SETMAR: variants seen among roughly 807,000 people sequenced by gnomAD.
SETMAR encodes SET and mariner transposase domain methyltransferase, also known as histone-lysine N-methyltransferase SETMAR.
A neutral mutation model predicts 58.4 loss-of-function variants in SETMAR; 44 were observed. The ratio of observed to expected loss-of-function variants is 0.75; its 90% confidence interval spans 0.59 to 0.97. The LOEUF (loss-of-function observed/expected upper bound fraction) is 0.97, where lower values mean the gene tolerates loss of function less well. SETMAR is among the 50% of genes least tolerant of loss of function. The pLI is 0.00. For synonymous variants in SETMAR, 332 were observed against 307.4 expected, an observed-to-expected ratio of 1.08 and a Z score of -0.84; for missense variants, 903 against 840.2, an observed-to-expected ratio of 1.07 and a Z score of -0.92.
At position 4,312,894 on chromosome 3, in the gene SETMAR, A is replaced by G. The variant is rs73807002; in HGVS notation, c.157-4A>G. 2.5e-3 allele frequency: 3,971 copies of G among 1,600,530 alleles called. 95 individuals are homozygous for G. In the African/African-American group the frequency reaches 0.047, roughly 19 times the overall value. ...CTGACTTACAGTGTGTATATTTTTT[A>G]CAGTACACTCCTGATCATGTAGTTG... On this transcript the variant is annotated splice_region_variant and splice_polypyrimidine_tract_variant and intron_variant, in intron 1 of 2. Transcript: ENST00000358065.
intron 1 of SETMAR, among the ~76,000 whole-genome samples, chr3:4,306,240 G>A (rs1184675742): frequency 6.6e-6 from 1 of 152,064 alleles, no homozygotes; most frequent in East Asian, 1.9e-4. Flanking sequence ...AAAACTATGT[G>A]CCCGACGTAT....
rs1405338899 is a variant in SETMAR at position 4,303,594 on chromosome 3, C to T, written c.156+68C>T. 9 of 1,374,846 alleles carry T rather than the reference C, an allele frequency of 6.5e-6. No individual in the cohort carries two copies. The Admixed American group carries it at 1.5e-4, about 23-fold the overall frequency. 85.2% of individuals were successfully genotyped at this position (1,374,846 alleles called of 1,614,324 possible). ...CCCCCACGTGGTCTCCTCAAGCCGC[C>T]TCGCTGGGACGGCCTCCCAGTCGCG... On this transcript the variant is annotated intron_variant, in intron 1 of 2. Coordinates refer to ENST00000358065, the MANE Select transcript of SETMAR (RefSeq NM_006515.4).
chr3:4,303,849 G>A, intron 1 of SETMAR: 1 of 1,324,944 alleles, frequency 7.5e-7, no homozygotes, highest in South Asian at 1.3e-5. Context: ...TACCTCCCTG[G>A]TCTCAGGTGT....
chr3:4,303,924 C>T (rs927164072), intron 1 of SETMAR: 3 of 1,188,628 alleles, frequency 2.5e-6, no homozygotes, highest in Non-Finnish European at 3.2e-6. Context: ...TGCATAAAAA[C>T]AGCCCCTCGA....
intron 1 of SETMAR, chr3:4,303,950 G>A: frequency 9.9e-7 from 1 of 1,010,516 alleles, no homozygotes. Context: ...CCTTAGCTGT[G>A]GTCTCCCTCA....
At chr3:4,303,939 G>A (rs1329052961) in intron 1 of SETMAR, 2 of 1,112,586 alleles carry the variant, frequency 1.8e-6, no homozygotes, top group African/African-American at 3.3e-5. Context: ...CCTCGAGTCA[G>A]CCTTAGCTGT....
intron 1 of SETMAR, among the ~76,000 whole-genome samples, chr3:4,304,939 GTTTGGTT>G (rs1289092018): frequency 6.6e-6 from 1 of 151,312 alleles, no homozygotes; most frequent in Non-Finnish European, 1.5e-5. Flanking sequence ...ATGTACATGG[GTTTGGTT>G]CAGAAGGCGG....
At chr3:4,304,026 T>C in intron 1 of SETMAR, 1 of 279,360 alleles carries the variant, frequency 3.6e-6, no homozygotes, top group South Asian at 4.6e-5. Context: ...CAGCGTACAG[T>C]GGAACAGTAC....
intron 1 of SETMAR, among the ~76,000 whole-genome samples, chr3:4,309,246 C>A (rs1181027405): frequency 1.3e-5 from 2 of 152,124 alleles, no homozygotes; most frequent in African/African-American, 4.8e-5. Flanking sequence ...TCTGTTCTAT[C>A]AGTAATTCCA....
chr3:4,304,980 G>A (rs1320459157), intron 1 of SETMAR, among the ~76,000 whole-genome samples: 1 of 151,492 alleles, frequency 6.6e-6, no homozygotes, highest in African/African-American at 2.4e-5. Context: ...GGTGGGGGGG[G>A]CTTCCAGACT....
rs1559217895 is a variant in SETMAR at position 4,313,278 on chromosome 3, GAGA to G, written c.542_544del (p.Arg181del). On this transcript the variant is annotated inframe_deletion, in exon 2 of 3. Coordinates refer to ENST00000358065, the MANE Select transcript of SETMAR (RefSeq NM_006515.4). The stretch of plus-strand genomic sequence containing the variant: ...AGGTTTTAGGATTCTCTGAAGTTCA[GAGA>G]AGAATTCACTTACAAACAAAATCCG... 7 of 1,613,946 alleles carry G rather than the reference GAGA, an allele frequency of 4.3e-6. No homozygotes were observed. Among genetic ancestry groups the G allele is most frequent in the Middle Eastern group, 1.7e-4 (1 of 6,060 alleles).
Position 4,313,404 on chromosome 3 carries a change from C to A in SETMAR, c.663C>A (p.Phe221Leu). ...DPTYIGNIGR[F>L]LNHSCEPNLL... The stretch of plus-strand genomic sequence containing the variant: ...CTTATATAGGAAATATTGGAAGATT[C>A]CTTAATCATTCTTGTGAGCCAAACC... The change falls in exon 2 of 3, where the codon TTC becomes TTA. Residue 221 changes from phenylalanine (F) to leucine (L), a missense_variant. Physicochemically the swap from Phe to Leu is conservative, Grantham distance 22. Transcript: ENST00000358065. The A allele has an allele frequency of 6.2e-7, 1 of 1,613,876 alleles. No individual in the cohort carries two copies. The highest frequency in any genetic ancestry group is 8.5e-7 in the Non-Finnish European group (1 of 1,179,916).
intron 2 of SETMAR, chr3:4,314,054 C>G: frequency 2.0e-6 from 1 of 504,512 alleles, no homozygotes. Flanking sequence ...CCTTCACCTC[C>G]TCTTTCTTCC....
In SETMAR at chr3:4,316,966, C is replaced by T. The variant is rs1234028157; in HGVS notation, c.1775C>T (p.Pro592Leu). ...ATTCTTCTCCACGACAATGCCCGAC[C>T]GCATGTTGCACAACCCACACTTCAA... ...GPILLHDNAR[P>L]HVAQPTLQKL... Residue 592 changes from proline to leucine, a missense_variant, in exon 3 of 3, where the codon CCG becomes CTG. Physicochemically the swap from Pro to Leu is moderately conservative, Grantham distance 98. Coordinates refer to ENST00000358065, the MANE Select transcript of SETMAR (RefSeq NM_006515.4). 7.1e-6 allele frequency: 11 copies of T among 1,549,276 alleles called. No homozygotes were observed. The highest frequency in any genetic ancestry group is 8.7e-6 in the Non-Finnish European group (10 of 1,146,756).
Position 4,312,235 on chromosome 3 carries a change from A to T in SETMAR, c.157-663A>T, listed in dbSNP as rs185950849. Among the ~76,000 whole-genome samples, 338 of 152,292 alleles carry T rather than the reference A, an allele frequency of 2.2e-3. 1 individual carries two copies. The highest frequency in any genetic ancestry group is 4.8e-3 in the Admixed American group (73 of 15,292). On this transcript the variant is annotated intron_variant, in intron 1 of 2. Coordinates refer to ENST00000358065, the MANE Select transcript of SETMAR (RefSeq NM_006515.4). ...ATCTGAGGTAACCCACAATTAAAAT[A>T]CATATATGCATGTATATTATCAGGT...
chr3:4,306,619 C>G (rs185785417), intron 1 of SETMAR, among the ~76,000 whole-genome samples: 29 of 152,316 alleles, frequency 1.9e-4, no homozygotes, highest in Admixed American at 5.2e-4. Context: ...ATCAAACATG[C>G]TTGAAACATT....
At chr3:4,305,877 A>G (rs760816021) in intron 1 of SETMAR, among the ~76,000 whole-genome samples, 4 of 152,198 alleles carry the variant, frequency 2.6e-5, no homozygotes, top group Non-Finnish European at 4.4e-5. Context: ...ACCTTTGGCA[A>G]TTTATAGTTA....
At chr3:4,307,933 CACCTACTTGGG>C (rs1698254668) in intron 1 of SETMAR, among the ~76,000 whole-genome samples, 1 of 152,014 alleles carries the variant, frequency 6.6e-6, no homozygotes, top group Non-Finnish European at 1.5e-5. Context: ...CCTGTAGTCC[CACCTACTTGGG>C]AGGCTGACCT....
intron 1 of SETMAR, among the ~76,000 whole-genome samples, chr3:4,309,475 C>G (rs976433600): frequency 2.0e-5 from 3 of 152,138 alleles, no homozygotes; most frequent in Non-Finnish European, 2.9e-5. Context: ...TCAGTCAGGA[C>G]TCATTTGTTT....
Sources: gnomAD v4.1 joint callset for allele counts (sites outside exome capture counted in the v4.1 genomes callset) on GRCh38, gnomAD v4.1.1 for gene constraint, MANE v1.5 for transcripts, NCBI Gene and HGNC (gene_info 2026-07-23, HGNC 2026-07-21) for gene names.